OR9Q1: variants seen among roughly 807,000 people sequenced by gnomAD.
OR9Q1 encodes the protein olfactory receptor 9Q1.
For missense variants in OR9Q1, 374 were observed against 378.8 expected, an observed-to-expected ratio of 0.99 and a Z score of 0.11; for synonymous variants, 153 against 148.6, an observed-to-expected ratio of 1.03 and a Z score of -0.22.
At chr11:58,088,053 C>A (rs532252089) in intron 2 of OR9Q1, among the ~76,000 whole-genome samples, 1 of 151,806 alleles carries the variant, frequency 6.6e-6, no homozygotes, top group South Asian at 2.1e-4. Context: ...AGAGGCCAGG[C>A]TGGTTTCGAA....
At chr11:58,095,722 C>T (rs1014474682) in intron 2 of OR9Q1, among the ~76,000 whole-genome samples, 3 of 152,068 alleles carry the variant, frequency 2.0e-5, no homozygotes, top group Non-Finnish European at 4.4e-5. Context: ...CTTGTCCCTC[C>T]CATGGCGAGT....
chr11:58,043,954 G>T (rs1853191539), intron 1 of OR9Q1, among the ~76,000 whole-genome samples: 1 of 152,144 alleles, frequency 6.6e-6, no homozygotes, highest in African/African-American at 2.4e-5. Flanking sequence ...CCAGCACAGT[G>T]GTTGTATATG....
At chr11:58,027,730 G>T (rs745989280) in intron 1 of OR9Q1, among the ~76,000 whole-genome samples, 5 of 152,094 alleles carry the variant, frequency 3.3e-5, no homozygotes, top group Non-Finnish European at 4.4e-5. Context: ...TCATTGCCTA[G>T]ATGCAAGGGG....
chr11:58,031,979 G>T, intron 1 of OR9Q1: 4 of 827,146 alleles, frequency 4.8e-6, no homozygotes, highest in Non-Finnish European at 7.7e-6. Context: ...TTTAAGCTGA[G>T]ACCAAATCAA....
chr11:58,061,191 C>T (rs1397257434), intron 2 of OR9Q1, among the ~76,000 whole-genome samples: 2 of 152,322 alleles, frequency 1.3e-5, no homozygotes, highest in East Asian at 1.9e-4. Context: ...CATAAGGAAG[C>T]TGTCCTACCA....
At chr11:58,149,471 T>C (rs529142358) in intron 2 of OR9Q1, among the ~76,000 whole-genome samples, 10 of 152,266 alleles carry the variant, frequency 6.6e-5, no homozygotes, top group Non-Finnish European at 1.0e-4. Context: ...CTTAAGTGGT[T>C]AAAAAAATTT....
intron 1 of OR9Q1, among the ~76,000 whole-genome samples, chr11:58,046,799 G>A (rs1437901649): frequency 6.6e-6 from 1 of 152,012 alleles, no homozygotes; most frequent in Admixed American, 6.6e-5. Context: ...GGAGGCAGAG[G>A]TTGCAGTGAG....
intron 1 of OR9Q1, among the ~76,000 whole-genome samples, chr11:58,037,715 T>A (rs1456824799): frequency 2.9e-4 from 8 of 27,592 alleles, no homozygotes; most frequent in African/African-American, 1.0e-3. Flanking sequence ...TTTTTTTTTT[T>A]TTTTTTTTTT....
At chr11:58,062,030 A>G (rs1184399419) in intron 2 of OR9Q1, among the ~76,000 whole-genome samples, 1 of 152,210 alleles carries the variant, frequency 6.6e-6, no homozygotes, top group Non-Finnish European at 1.5e-5. Flanking sequence ...CTCACCCAGA[A>G]ATGACTAGTA....
chr11:58,091,160 C>A (rs755855315), intron 2 of OR9Q1, among the ~76,000 whole-genome samples: 6 of 151,824 alleles, frequency 4.0e-5, no homozygotes, highest in Non-Finnish European at 1.5e-5. Context: ...CTGCTCTGAT[C>A]TTAGTTATTT....
intron 2 of OR9Q1, among the ~76,000 whole-genome samples, chr11:58,134,956 T>C (rs934152523): frequency 1.3e-5 from 2 of 152,202 alleles, no homozygotes; most frequent in African/African-American, 4.8e-5. Context: ...TTGTAATTTT[T>C]TGGGAGAGGG....
At chr11:58,107,154 G>A (rs1853849025) in intron 2 of OR9Q1, among the ~76,000 whole-genome samples, 2 of 151,516 alleles carry the variant, frequency 1.3e-5, no homozygotes, top group African/African-American at 4.9e-5. Context: ...GGGTACATGT[G>A]CAGAATGTGC....
intron 2 of OR9Q1, among the ~76,000 whole-genome samples, chr11:58,134,466 C>T (rs568299385): frequency 5.3e-5 from 8 of 152,278 alleles, no homozygotes; most frequent in African/African-American, 1.9e-4. Flanking sequence ...GCTGATGCTA[C>T]TTTATCTTCC....
Position 58,179,465 on chromosome 11 carries a change from C to T in OR9Q1, c.21C>T (p.Thr7=), listed in dbSNP as rs1458081549. The stretch of plus-strand genomic sequence containing the variant: ...GTGTCATGGCAGAGATGAACCTCAC[C>T]TTGGTGACCGAGTTCCTCCTTATTG... MAEMNL[T]LVTEFLLIAF... Residue 7 remains threonine, a synonymous_variant, in exon 3 of 3, where the codon ACC becomes ACT. Coordinates refer to ENST00000335397, the MANE Select transcript of OR9Q1 (RefSeq NM_001005212.4). 3 of 1,571,412 alleles carry T rather than the reference C, an allele frequency of 1.9e-6. No individual in the cohort carries two copies. Among genetic ancestry groups the T allele is most frequent in the Non-Finnish European group, 1.7e-6 (2 of 1,157,414 alleles).
At chr11:58,105,116 G>A (rs1853827736) in intron 2 of OR9Q1, among the ~76,000 whole-genome samples, 1 of 151,598 alleles carries the variant, frequency 6.6e-6, no homozygotes, top group African/African-American at 2.4e-5. Context: ...TTATTAAATA[G>A]CAGAGAGGAT....
At chr11:58,036,908 A>G (rs555744529) in intron 1 of OR9Q1, among the ~76,000 whole-genome samples, 1 of 152,346 alleles carries the variant, frequency 6.6e-6, no homozygotes, top group East Asian at 1.9e-4. Flanking sequence ...AAGGATTTAG[A>G]ATATTCCATA....
At chr11:58,126,594 G>T (rs1208050487) in intron 2 of OR9Q1, among the ~76,000 whole-genome samples, 1 of 152,120 alleles carries the variant, frequency 6.6e-6, no homozygotes, top group Admixed American at 6.6e-5. Flanking sequence ...AAAGAAGGGT[G>T]GCAGCCACAG....
intron 1 of OR9Q1, chr11:58,041,580 G>C (rs1565057698): frequency 6.6e-6 from 1 of 152,532 alleles, no homozygotes; most frequent in African/African-American, 2.4e-5. Flanking sequence ...CTGTGTCAAG[G>C]GGCTTGTGAT....
chr11:58,162,843 C>T (rs1196720618), intron 2 of OR9Q1, among the ~76,000 whole-genome samples: 4 of 152,098 alleles, frequency 2.6e-5, no homozygotes, highest in South Asian at 2.1e-4. Flanking sequence ...CACATATTCT[C>T]GGATCTTCGC....
Sources: allele counts gnomAD v4.1 joint callset (sites outside exome capture counted in the v4.1 genomes callset), GRCh38; gene constraint gnomAD v4.1.1; transcripts MANE v1.5; gene names NCBI Gene and HGNC (gene_info 2026-07-23, HGNC 2026-07-21).